The following GPM6A variants were observed in gnomAD, a reference collection of about 807,000 sequenced individuals.
GPM6A encodes the protein neuronal membrane glycoprotein M6-a.
GPM6A carries 7 observed loss-of-function variants against 32.1 expected under a neutral mutation model. The observed-to-expected ratio is 0.22, with a 90% CI of 0.12 to 0.41. GPM6A has a LOEUF of 0.41. GPM6A is among the 10% of genes least tolerant of loss of function. The pLI is 1.00. For missense variants in GPM6A, 235 were observed against 347.2 expected (o/e 0.68, Z 2.57); for synonymous variants, 130 against 123.4 (o/e 1.05, Z -0.35).
intron 3 of GPM6A, among the ~76,000 whole-genome samples, chr4:175,671,171 C>CA (rs1355587142): frequency 2.6e-5 from 4 of 151,846 alleles, no homozygotes; most frequent in Admixed American, 2.6e-4. Context: ...CCTGCTGCTT[C>CA]AAAATTAATT....
intron 1 of GPM6A, among the ~76,000 whole-genome samples, chr4:175,759,207 T>C (rs772474693): frequency 5.3e-5 from 8 of 152,118 alleles, no homozygotes; most frequent in Non-Finnish European, 1.0e-4. Context: ...TGTAGCTGTA[T>C]GGGTTTTTCA....
chr4:175,801,350 ATT>A lies in GPM6A; in HGVS notation c.37+10839_37+10840del, dbSNP rs1479291315. Among the ~76,000 whole-genome samples the A allele has an allele frequency of 9.0e-5, 4 of 44,600 alleles. No individual in the cohort carries two copies. The East Asian group carries it at 2.1e-3, about 24-fold the overall frequency. 29.3% of individuals were successfully genotyped at this position (44,600 alleles called of 152,430 possible). A position where few individuals can be genotyped will look rare whatever the true frequency, so the allele number is the denominator to read the frequency against. ...TTATAGGTATGTTAATATTATAGGT[ATT>A]AATTAATAGGTAATAATATAGGTAT... On this transcript the variant is annotated intron_variant, in intron 1 of 6. Transcript: ENST00000393658.
intron 3 of GPM6A, among the ~76,000 whole-genome samples, chr4:175,668,546 T>TGTGTGTGTGTGTGTGTGTGTGTG (rs1742879451): frequency 6.6e-6 from 1 of 151,918 alleles, no homozygotes; most frequent in Non-Finnish European, 1.5e-5. Flanking sequence ...TGTGTGTTTA[T>TGTGTGTGTGTGTGTGTGTGTGTG]TTTAAAAGGC....
chr4:175,845,116 CAT>C (rs201674275), intron 1 of GPM6A, among the ~76,000 whole-genome samples: 2,593 of 152,062 alleles, frequency 0.017, 57 homozygotes, highest in South Asian at 0.095. Context: ...AAAAGAGAAA[CAT>C]ATTTTTATTT....
intron 1 of GPM6A, among the ~76,000 whole-genome samples, chr4:175,930,441 T>TGGG (rs1738996167): frequency 1.1e-5 from 1 of 95,180 alleles, no homozygotes; most frequent in African/African-American, 3.1e-5. Flanking sequence ...GGGGTTTTTT[T>TGGG]GTTGTTGTTT....
At chr4:175,722,601 T>A (rs1560896603) in intron 1 of GPM6A, among the ~76,000 whole-genome samples, 1 of 152,124 alleles carries the variant, frequency 6.6e-6, no homozygotes, top group Non-Finnish European at 1.5e-5. Context: ...TTTACCAACC[T>A]GTGAGTGGAC....
intron 1 of GPM6A, among the ~76,000 whole-genome samples, chr4:175,766,591 C>T (rs890422304): frequency 1.3e-5 from 2 of 151,490 alleles, no homozygotes; most frequent in Admixed American, 1.3e-4. Context: ...ATCATTGATG[C>T]AGTGCTCTCT....
chr4:175,829,389 ACTCT>A (rs1242678519), intron 1 of GPM6A, among the ~76,000 whole-genome samples: 6 of 151,962 alleles, frequency 3.9e-5, no homozygotes. Context: ...AAAAAATACA[ACTCT>A]CTATTTTAAT....
At chr4:175,816,615 G>A (rs1199586007), upstream of GPM6A, among the ~76,000 whole-genome samples, 1 of 152,176 alleles carries the variant, frequency 6.6e-6, no homozygotes, top group African/African-American at 2.4e-5. Context: ...AGAACAGAGA[G>A]GAGATGTGGA....
At position 175,701,778 on chromosome 4, in the gene GPM6A, T is replaced by C. The variant is rs778166413; in HGVS notation, c.38-11A>G. ...AGCATTCAAAACACCCTGTAGAAGA[T>C]CACAAAGGGAGAAATTCATATTTTT... is the stretch of plus-strand genomic sequence containing the variant. On this transcript the variant is annotated splice_polypyrimidine_tract_variant and intron_variant, in intron 1 of 6. Coordinates refer to ENST00000393658, the MANE Select transcript of GPM6A (RefSeq NM_201591.3). 2.6e-5 allele frequency: 41 copies of C among 1,566,052 alleles called. No homozygotes were observed. The South Asian group carries it at 4.4e-4, about 17-fold the overall frequency.
chr4:175,704,983 T>A (rs1021435909), intron 1 of GPM6A, among the ~76,000 whole-genome samples: 4 of 152,182 alleles, frequency 2.6e-5, no homozygotes, highest in Admixed American at 6.5e-5. Context: ...GGACTTCTGA[T>A]TAATTTAAGT....
At chr4:175,846,786 T>G (rs1171673495) in intron 1 of GPM6A, among the ~76,000 whole-genome samples, 1 of 152,116 alleles carries the variant, frequency 6.6e-6, no homozygotes, top group Non-Finnish European at 1.5e-5. Flanking sequence ...AATGTAGCAA[T>G]TATATTAAGT....
At chr4:175,672,529 T>C (rs113052653) in intron 3 of GPM6A, among the ~76,000 whole-genome samples, 189 of 152,310 alleles carry the variant, frequency 1.2e-3, no homozygotes, top group African/African-American at 4.4e-3. Context: ...CACTGAAAAT[T>C]GGACCACAAA....
intron 1 of GPM6A, among the ~76,000 whole-genome samples, chr4:175,747,291 A>G (rs932903890): frequency 1.4e-5 from 2 of 142,982 alleles, no homozygotes; most frequent in African/African-American, 2.6e-5. Context: ...AAAAAAAAAA[A>G]GAAGGAACCC....
intron 4 of GPM6A, among the ~76,000 whole-genome samples, chr4:175,643,403 T>C (rs75446357): frequency 0.015 from 2,325 of 152,252 alleles, 82 homozygotes; most frequent in African/African-American, 0.052. Flanking sequence ...TGTCCTACTG[T>C]CTTGTTCTAC....
chr4:175,727,219 C>T (rs1731205102), intron 1 of GPM6A, among the ~76,000 whole-genome samples: 1 of 152,064 alleles, frequency 6.6e-6, no homozygotes, highest in Non-Finnish European at 1.5e-5. Context: ...AACACACTTT[C>T]AAATAATTAT....
At chr4:175,740,748 T>C (rs1307518292) in intron 1 of GPM6A, among the ~76,000 whole-genome samples, 2 of 152,118 alleles carry the variant, frequency 1.3e-5, no homozygotes, top group South Asian at 4.1e-4. Context: ...GATTATTTCA[T>C]GCTTGTGCTT....
intron 2 of GPM6A, among the ~76,000 whole-genome samples, chr4:175,699,697 T>A (rs1344563402): frequency 6.6e-6 from 1 of 152,116 alleles, no homozygotes; most frequent in African/African-American, 2.4e-5. Flanking sequence ...TTTCCTCATT[T>A]TATTTCTTAT....
intron 1 of GPM6A, among the ~76,000 whole-genome samples, chr4:175,863,103 A>G (rs1437793166): frequency 2.0e-5 from 3 of 152,142 alleles, no homozygotes; most frequent in Non-Finnish European, 4.4e-5. Flanking sequence ...GAAATACAAT[A>G]ATCTGCATAA....
Sources: gnomAD v4.1 joint callset for allele counts (sites outside exome capture counted in the v4.1 genomes callset) on GRCh38, gnomAD v4.1.1 for gene constraint, MANE v1.5 for transcripts, NCBI Gene and HGNC (gene_info 2026-07-23, HGNC 2026-07-21) for gene names.